Variants in ARHGAP18 observed in about 807,000 individuals in gnomAD.
ARHGAP18 encodes Rho GTPase activating protein 18.
ARHGAP18 carries 67 observed loss-of-function variants against 86.2 expected under a neutral mutation model. That is an observed-to-expected ratio of 0.78 (90% CI 0.64 to 0.95). ARHGAP18 has a LOEUF of 0.95. Ranked by LOEUF, ARHGAP18 falls within the 40% of genes least tolerant of loss-of-function variation. The pLI is 0.00. For synonymous variants in ARHGAP18, 283 were observed against 280.4 expected (o/e 1.01, Z -0.09); for missense variants, 691 against 780.4 (o/e 0.89, Z 1.37).
intron 1 of ARHGAP18, among the ~76,000 whole-genome samples, chr6:129,703,126 C>A (rs1774747163): frequency 6.6e-6 from 1 of 152,206 alleles, no homozygotes; most frequent in Non-Finnish European, 1.5e-5. Context: ...GCCTTGGCCT[C>A]TAGGGTGCTG....
At chr6:129,651,379 C>CA (rs913305812) in intron 1 of ARHGAP18, among the ~76,000 whole-genome samples, 1 of 152,100 alleles carries the variant, frequency 6.6e-6, no homozygotes. Flanking sequence ...AGTTTCGGCT[C>CA]AGAGTTTTTT....
intron 1 of ARHGAP18, among the ~76,000 whole-genome samples, chr6:129,662,293 T>C (rs1773969169): frequency 6.6e-6 from 1 of 152,254 alleles, no homozygotes; most frequent in Admixed American, 6.5e-5. Context: ...CTTTCAGCAG[T>C]GACAGCAACC....
At chr6:129,625,515 T>TATATAATATATATTTTATATATC in intron 5 of ARHGAP18, among the ~76,000 whole-genome samples, 1 of 49,460 alleles carries the variant, frequency 2.0e-5, no homozygotes, top group East Asian at 5.9e-4. Flanking sequence ...TTATATATCA[T>TATATAATATATATTTTATATATC]ATATATTATA....
chr6:129,604,507 A>T (rs574079765), intron 10 of ARHGAP18, among the ~76,000 whole-genome samples: 1 of 152,294 alleles, frequency 6.6e-6, no homozygotes, highest in African/African-American at 2.4e-5. Flanking sequence ...TAAGAAAAAG[A>T]TGTTCCTCCC....
chr6:129,611,808 T>C (rs1258772269), intron 7 of ARHGAP18, among the ~76,000 whole-genome samples, 198 bp from the exon 8 acceptor site: 2 of 152,192 alleles, frequency 1.3e-5, no homozygotes, highest in African/African-American at 4.8e-5. Flanking sequence ...TTAGAAAAAG[T>C]TGGGCCTTAT....
rs1358933862 is a variant in ARHGAP18, at chr6:129,600,593, C to T, written c.1572+49G>A. On this transcript the variant is annotated intron_variant, in intron 11 of 14. Transcript: ENST00000368149. ...ATTAATAAAGCTAATAACAAACATGCAATTTGTTTTTTAAACTACTAAGAC... is the reference window on the plus strand; with the variant it reads ...ATTAATAAAGCTAATAACAAACATGTAATTTGTTTTTTAAACTACTAAGAC... 2.1e-6 allele frequency: 3 copies of T among 1,428,244 alleles called. No homozygotes were observed. The South Asian group carries it at 3.9e-5, about 19-fold the overall frequency. The allele number at this position is 1,428,244 out of a possible 1,614,324, so 88.5% of individuals were successfully genotyped here.
chr6:129,587,543 G>A (rs1788420077), intron 12 of ARHGAP18, among the ~76,000 whole-genome samples: 1 of 152,172 alleles, frequency 6.6e-6, no homozygotes, highest in Non-Finnish European at 1.5e-5. Context: ...CTCATGGCTA[G>A]GGAGGCCTCA....
intron 12 of ARHGAP18, among the ~76,000 whole-genome samples, chr6:129,597,689 T>G (rs1020597022): frequency 1.3e-5 from 2 of 151,138 alleles, no homozygotes; most frequent in African/African-American, 4.9e-5. Context: ...AAGGTGGCAA[T>G]AGCATTTTGT....
chr6:129,678,181 C>A (rs922802461), intron 1 of ARHGAP18, among the ~76,000 whole-genome samples: 3 of 152,284 alleles, frequency 2.0e-5, no homozygotes, highest in Middle Eastern at 3.4e-3. Flanking sequence ...CCCCATTGAA[C>A]CCCAGAGGTC....
chr6:129,697,378 C>CT lies in ARHGAP18; in HGVS notation c.113+12645dup, dbSNP rs1774636032. Among the ~76,000 whole-genome samples the CT allele has an allele frequency of 2.0e-5, 3 of 152,220 alleles. No homozygotes were observed. In the South Asian group the frequency reaches 6.2e-4, roughly 32 times the overall value. ...AGAAACAGACAACTGAAACCACCACCTTCTCCTTCAGGATAGGGGTCACAC... is the reference window on the plus strand; with the variant it reads ...AGAAACAGACAACTGAAACCACCACCTTTCTCCTTCAGGATAGGGGTCACAC... On this transcript the variant is annotated intron_variant, in intron 1 of 14. Coordinates refer to ENST00000368149, the MANE Select transcript of ARHGAP18 (RefSeq NM_033515.3).
chr6:129,611,265 G>A lies in ARHGAP18; in HGVS notation c.1122+268C>T, dbSNP rs570231016. Among the ~76,000 whole-genome samples, 7 of 152,026 alleles carry A rather than the reference G, an allele frequency of 4.6e-5. No individual in the cohort carries two copies. The South Asian group carries it at 6.2e-4, about 14-fold the overall frequency. On this transcript the variant is annotated intron_variant, in intron 8 of 14. Transcript: ENST00000368149. ...CTAAATCTATCACAACTATCCCCAC[G>A]CCATTAATATTTTAACTCATCACAT...
intron 5 of ARHGAP18, among the ~76,000 whole-genome samples, chr6:129,626,730 T>G (rs1254569422): frequency 1.3e-5 from 2 of 151,620 alleles, no homozygotes; most frequent in Non-Finnish European, 2.9e-5. Flanking sequence ...AAAACAAGTT[T>G]AAACCATTTC....
intron 1 of ARHGAP18, among the ~76,000 whole-genome samples, chr6:129,660,554 T>C (rs1773929149): frequency 6.6e-6 from 1 of 152,162 alleles, no homozygotes; most frequent in Admixed American, 6.5e-5. Context: ...ACCTGCTGAA[T>C]CTGAGGTATG....
intron 13 of ARHGAP18, among the ~76,000 whole-genome samples, chr6:129,580,402 T>C (rs577995518): frequency 1.3e-5 from 2 of 152,324 alleles, no homozygotes; most frequent in South Asian, 2.1e-4. Flanking sequence ...AAAAGAAAAG[T>C]TAATGTAACA....
intron 1 of ARHGAP18, among the ~76,000 whole-genome samples, chr6:129,649,065 G>A (rs60940371): frequency 0.25 from 37,801 of 151,956 alleles, 5,745 homozygotes; most frequent in African/African-American, 0.43. Context: ...CACATCACTC[G>A]CCCCACACAC....
intron 2 of ARHGAP18, among the ~76,000 whole-genome samples, chr6:129,639,848 C>T (rs745379631): frequency 6.6e-6 from 1 of 151,748 alleles, no homozygotes; most frequent in African/African-American, 2.4e-5. Context: ...AGTTCGAGAC[C>T]AGCCTGGCCA....
At chr6:129,683,983 C>T (rs545590230) in intron 1 of ARHGAP18, among the ~76,000 whole-genome samples, 33 of 152,054 alleles carry the variant, frequency 2.2e-4, no homozygotes, top group Middle Eastern at 3.4e-3. Context: ...ACTGACAGCG[C>T]GAGATGATTG....
intron 7 of ARHGAP18, among the ~76,000 whole-genome samples, chr6:129,615,380 A>G (rs1789074941): frequency 6.6e-6 from 1 of 152,220 alleles, no homozygotes; most frequent in African/African-American, 2.4e-5. Context: ...AGTGGTAGAT[A>G]TGAGGGGAAA....
At chr6:129,614,596 C>A (rs1456139837) in intron 7 of ARHGAP18, among the ~76,000 whole-genome samples, 1 of 152,084 alleles carries the variant, frequency 6.6e-6, no homozygotes, top group African/African-American at 2.4e-5. Context: ...TGGATGCAAT[C>A]CTCAGCCGGA....
Sources: gnomAD v4.1 joint callset for allele counts (sites outside exome capture counted in the v4.1 genomes callset) on GRCh38, gnomAD v4.1.1 for gene constraint, MANE v1.5 for transcripts, NCBI Gene and HGNC (gene_info 2026-07-23, HGNC 2026-07-21) for gene names.